GARNL3: variants seen among roughly 807,000 people sequenced by gnomAD.
GARNL3 encodes the protein GTPase activating Rap/RanGAP domain like 3, also known as GTPase-activating Rap/Ran-GAP domain-like protein 3.
GARNL3 carries 63 observed loss-of-function variants against 125.0 expected under a neutral mutation model. The observed-to-expected ratio is 0.50, with a 90% CI of 0.41 to 0.62. The LOEUF (loss-of-function observed/expected upper bound fraction) is 0.62, where lower values mean the gene tolerates loss of function less well. GARNL3 is among the 20% of genes least tolerant of loss of function. The pLI is 0.00. For missense variants in GARNL3, 994 were observed against 1,244.0 expected, an observed-to-expected ratio of 0.80 and a Z score of 3.02; for synonymous variants, 439 against 457.5, an observed-to-expected ratio of 0.96 and a Z score of 0.52.
In GARNL3 at chr9:127,338,048, T is replaced by C. The variant is rs1829648209; in HGVS notation, c.983-68T>C. ...GTCGAGAATGACTCTGCACAAGGGA[T>C]TTTCAGAGCGCAAGCTGTCAGTCGT... On this transcript the variant is annotated intron_variant, in intron 11 of 27. Transcript: ENST00000373387. 3 of 1,192,144 alleles carry C rather than the reference T, an allele frequency of 2.5e-6. No homozygotes were observed. The East Asian group carries it at 7.0e-5, about 28-fold the overall frequency. 73.8% of individuals were successfully genotyped at this position (1,192,144 alleles called of 1,614,324 possible).
upstream of GARNL3, among the ~76,000 whole-genome samples, chr9:127,263,155 C>T (rs1229497949): frequency 6.6e-6 from 1 of 152,156 alleles, no homozygotes; most frequent in Non-Finnish European, 1.5e-5. Context: ...TTCTGTGAGG[C>T]ATCTAAGGAA....
intron 17 of GARNL3, among the ~76,000 whole-genome samples, chr9:127,351,798 T>C (rs575526530): frequency 6.6e-6 from 1 of 152,360 alleles, no homozygotes; most frequent in East Asian, 1.9e-4. Context: ...GCTCTCGCCC[T>C]GTGTTTTGGT....
chr9:127,269,787 T>TG (rs1554896123), intron 1 of GARNL3, among the ~76,000 whole-genome samples: 15 of 20,952 alleles, frequency 7.2e-4, no homozygotes, highest in Non-Finnish European at 2.2e-3. Flanking sequence ...GTTTTTTGTG[T>TG]TTTTTTTTTT....
chr9:127,230,233 C>T (rs1483145947), intron 1 of GARNL3, among the ~76,000 whole-genome samples: 4 of 152,224 alleles, frequency 2.6e-5, no homozygotes, highest in African/African-American at 7.2e-5. Context: ...CCCTCTGAAC[C>T]TTAGTTAACT....
intron 1 of GARNL3, among the ~76,000 whole-genome samples, chr9:127,224,904 G>A (rs1216303427): frequency 7.9e-6 from 1 of 126,976 alleles, no homozygotes; most frequent in African/African-American, 3.0e-5. Flanking sequence ...TTACCGGAGC[G>A]CGGGGCGGGG....
intron 22 of GARNL3, among the ~76,000 whole-genome samples, chr9:127,380,071 C>T (rs190876764): frequency 2.0e-5 from 3 of 152,122 alleles, no homozygotes; most frequent in East Asian, 1.9e-4. Context: ...CCCAGCTACT[C>T]GGGAGGCTGA....
chr9:127,225,513 G>A, intron 1 of GARNL3: 1 of 373,938 alleles, frequency 2.7e-6, no homozygotes, highest in Non-Finnish European at 3.7e-6. Context: ...GTCTGCGGAG[G>A]TTCTCAGGAG....
intron 2 of GARNL3, among the ~76,000 whole-genome samples, chr9:127,293,534 C>A (rs559535576): frequency 6.6e-6 from 1 of 152,074 alleles, no homozygotes; most frequent in East Asian, 1.9e-4. Context: ...GAAACCATTG[C>A]CTAATCCAAG....
chr9:127,233,284 T>G (rs539041453), intron 1 of GARNL3, among the ~76,000 whole-genome samples: 1 of 152,316 alleles, frequency 6.6e-6, no homozygotes, highest in East Asian at 1.9e-4. Context: ...CTCTCTTGGG[T>G]TCCATGGTCA....
At chr9:127,378,115 C>T (rs1305550964) in intron 22 of GARNL3, among the ~76,000 whole-genome samples, 1 of 151,904 alleles carries the variant, frequency 6.6e-6, no homozygotes, top group Non-Finnish European at 1.5e-5. Flanking sequence ...GTGGCACATG[C>T]TTGTAATCCC....
At chr9:127,250,005 GT>G (rs2063372324) in intron 2 of GARNL3, among the ~76,000 whole-genome samples, 2 of 152,060 alleles carry the variant, frequency 1.3e-5, no homozygotes, top group East Asian at 3.9e-4. Flanking sequence ...GAAACTCCGT[GT>G]GAAAAAAAAG....
rs115577820 is a variant in GARNL3 at position 127,267,233 on chromosome 9, G to A, written c.144+2212G>A. On this transcript the variant is annotated intron_variant, in intron 1 of 27. Transcript: ENST00000373387. The stretch of plus-strand genomic sequence containing the variant: ...TCTGGGGCCATGACTGTGTGTATGT[G>A]TATTTGTAGTTGACTTTTTAGAATA... 9.0e-3 allele frequency among the ~76,000 whole-genome samples: 1,364 copies of A among 152,110 alleles called. 32 individuals carry two copies. Among genetic ancestry groups the A allele is most frequent in the African/African-American group, 0.031 (1,273 of 41,490 alleles).
At position 127,242,465 on chromosome 9, in the gene GARNL3, C is replaced by T. The variant is rs901501811; in HGVS notation, c.-28-614C>T. 3.9e-5 allele frequency among the ~76,000 whole-genome samples: 6 copies of T among 152,110 alleles called. No homozygotes were observed. Among genetic ancestry groups the T allele is most frequent in the African/African-American group, 1.4e-4 (6 of 41,416 alleles). ...TTTTCCACCTTCCTTGATGCATCAT[C>T]GGAGAAAGGAGCAGACACATCTCAG... is the stretch of plus-strand genomic sequence containing the variant. On this transcript the variant is annotated intron_variant, in intron 1 of 10. Transcript: ENST00000439286. This position sits in a 1 kb window ranked among gnomAD's most constrained non-coding sequence, Gnocchi z 4.6.
chr9:127,292,890 C>G (rs2064466845), intron 2 of GARNL3, among the ~76,000 whole-genome samples: 1 of 152,194 alleles, frequency 6.6e-6, no homozygotes. Context: ...AGCAATGTGG[C>G]CTTGGGCAGT....
intron 9 of GARNL3, among the ~76,000 whole-genome samples, chr9:127,333,641 G>C (rs1026888918): frequency 6.6e-6 from 1 of 152,078 alleles, no homozygotes; most frequent in Non-Finnish European, 1.5e-5. Flanking sequence ...ATAATTGGAG[G>C]GTCTCGAGGG....
At position 127,291,159 on chromosome 9, in the gene GARNL3, C is replaced by A. The variant is rs371022897; in HGVS notation, c.145-9C>A. ...AATGCTTCCTAATTGAATGCTTTTT[C>A]CCCCCTAGCTTATTTCCAGTGATGC... On this transcript the variant is annotated splice_polypyrimidine_tract_variant and intron_variant, in intron 1 of 27. Coordinates refer to ENST00000373387, the MANE Select transcript of GARNL3 (RefSeq NM_032293.5). 9.2e-5 allele frequency: 148 copies of A among 1,612,812 alleles called. No homozygotes were observed. Among genetic ancestry groups the A allele is most frequent in the Non-Finnish European group, 1.2e-4 (141 of 1,179,224 alleles).
chr9:127,231,235 T>TG (rs1588655230), intron 1 of GARNL3, among the ~76,000 whole-genome samples: 1 of 139,030 alleles, frequency 7.2e-6, no homozygotes, highest in East Asian at 2.0e-4. Context: ...TTTGTTTTTT[T>TG]TTTTTTTTTT....
Position 127,392,115 on chromosome 9 carries a change from A to G in GARNL3, c.2871-968A>G, listed in dbSNP as rs1423650027. 3.3e-5 allele frequency among the ~76,000 whole-genome samples: 5 copies of G among 152,248 alleles called. No individual in the cohort carries two copies. Among genetic ancestry groups the G allele is most frequent in the African/African-American group, 1.2e-4 (5 of 41,474 alleles). ...CAGGTGATGTGTAAGGAGGGTTGCC[A>G]TCCAGCCCACACCTGGGGCAGGGAG... On this transcript the variant is annotated intron_variant, in intron 27 of 27. Coordinates refer to ENST00000373387, the MANE Select transcript of GARNL3 (RefSeq NM_032293.5). This position sits in a 1 kb window ranked among gnomAD's most constrained non-coding sequence, Gnocchi z 5.2.
chr9:127,393,002 G>C, intron 27 of GARNL3, 81 bp from the exon 28 acceptor site: 3 of 1,165,782 alleles, frequency 2.6e-6, no homozygotes, highest in Non-Finnish European at 3.7e-6. Flanking sequence ...GAGCTCAGAT[G>C]AGCAGGAAAT....
Sources: allele counts gnomAD v4.1 joint callset (sites outside exome capture counted in the v4.1 genomes callset), GRCh38; gene constraint gnomAD v4.1.1; non-coding constraint Gnocchi (gnomAD v3.1); transcripts MANE v1.5; gene names NCBI Gene and HGNC (gene_info 2026-07-23, HGNC 2026-07-21).